Variants in CDH2 observed in about 807,000 individuals in gnomAD.
CDH2 encodes the protein cadherin-2.
In CDH2, 17 loss-of-function variants were observed where a neutral mutation model predicts 92.0. That is an observed-to-expected ratio of 0.18 (90% CI 0.13 to 0.28). The LOEUF is 0.28. Among genes scored for constraint, CDH2 ranks in the 10% least tolerant of loss-of-function variants. CDH2 has a pLI of 1.00. For synonymous variants in CDH2, 419 were observed against 415.9 expected (o/e 1.01, Z -0.09); for missense variants, 862 against 1,133.1 (o/e 0.76, Z 3.44).
intron 1 of CDH2, among the ~76,000 whole-genome samples, chr18:28,161,543 G>A (rs1218819431): frequency 7.1e-6 from 1 of 140,972 alleles, no homozygotes; most frequent in Non-Finnish European, 1.5e-5. Context: ...CTGCATCACT[G>A]CACTCCAGCC....
chr18:27,995,313 CAAAAAA>C (rs34313496), intron 7 of CDH2, among the ~76,000 whole-genome samples: 5 of 80,246 alleles, frequency 6.2e-5, no homozygotes, highest in East Asian at 3.4e-4. Context: ...GACTCCATCT[CAAAAAA>C]AAAAAAAAAA....
intron 2 of CDH2, among the ~76,000 whole-genome samples, chr18:28,026,157 T>C (rs1185860862): frequency 6.6e-6 from 1 of 152,200 alleles, no homozygotes; most frequent in African/African-American, 2.4e-5. Flanking sequence ...CCATGCTTTG[T>C]TTGTGCCATG....
chr18:28,006,735 AAAG>A (rs1555632673), intron 5 of CDH2, among the ~76,000 whole-genome samples: 17 of 151,370 alleles, frequency 1.1e-4, no homozygotes, highest in Non-Finnish European at 1.9e-4. Flanking sequence ...AAAAAAAAAA[AAAG>A]AAGTGGAAGT....
intron 2 of CDH2, among the ~76,000 whole-genome samples, chr18:28,043,168 G>A (rs1274013120): frequency 1.3e-5 from 2 of 151,970 alleles, no homozygotes; most frequent in African/African-American, 4.8e-5. Context: ...TGGAGCTGGA[G>A]GCCATTATTC....
chr18:27,957,380 G>C (rs2011276819), intron 15 of CDH2, among the ~76,000 whole-genome samples: 2 of 152,116 alleles, frequency 1.3e-5, no homozygotes, highest in East Asian at 3.9e-4. Flanking sequence ...CTCCAGAGTA[G>C]CTAGGACTAC....
chr18:27,977,400 CTTAG>C (rs2143930734), intron 14 of CDH2, among the ~76,000 whole-genome samples: 1 of 152,072 alleles, frequency 6.6e-6, no homozygotes, highest in East Asian at 1.9e-4. Flanking sequence ...TTAGGCACCT[CTTAG>C]TTATTTTGTT....
intron 2 of CDH2, among the ~76,000 whole-genome samples, chr18:28,071,743 T>C (rs1386458020): frequency 6.6e-6 from 1 of 152,174 alleles, no homozygotes; most frequent in Non-Finnish European, 1.5e-5. Flanking sequence ...ATGTCCACTA[T>C]CCATTTCCTT....
At chr18:27,938,454 AATAG>A (rs1240103055) in intron 6 of CDH2, among the ~76,000 whole-genome samples, 1 of 152,084 alleles carries the variant, frequency 6.6e-6, no homozygotes, top group Non-Finnish European at 1.5e-5. Context: ...TGTGAATTAT[AATAG>A]ATAATTCTTA....
At chr18:28,148,942 G>A (rs945564723) in intron 1 of CDH2, among the ~76,000 whole-genome samples, 4 of 152,054 alleles carry the variant, frequency 2.6e-5, no homozygotes, top group African/African-American at 9.7e-5. Context: ...AATTTAAACA[G>A]TATTAAATAT....
At chr18:27,936,415 C>T in intron 6 of CDH2, among the ~76,000 whole-genome samples, 1 of 152,164 alleles carries the variant, frequency 6.6e-6, no homozygotes, top group Admixed American at 6.5e-5. Context: ...GCACAGCATC[C>T]TTTATTCTGT....
chr18:28,163,183 T>A (rs1369746070), intron 1 of CDH2, among the ~76,000 whole-genome samples: 1 of 152,210 alleles, frequency 6.6e-6, no homozygotes, highest in Non-Finnish European at 1.5e-5. Flanking sequence ...AAATGAGACA[T>A]TATTATGCAG....
chr18:27,958,170 A>G (rs895591144), intron 15 of CDH2, among the ~76,000 whole-genome samples: 2 of 152,206 alleles, frequency 1.3e-5, no homozygotes, highest in Non-Finnish European at 1.5e-5. Flanking sequence ...ACAAGGTAAC[A>G]GAGCTGTTAG....
Position 27,993,588 on chromosome 18 carries a change from T to C in CDH2, c.1070A>G (p.Asn357Ser), listed in dbSNP as rs1209862742. ...LIIQATDMEGNPTYGLSNTAT... is the reference protein window; with the variant it reads ...LIIQATDMEGSPTYGLSNTAT... Reference sequence around the variant, plus strand: ...TGTGTTTGAAAGGCCATATGTGGGATTGCCTTCCATGTCTGTAGCTTGAAT... The same window carrying C: ...TGTGTTTGAAAGGCCATATGTGGGACTGCCTTCCATGTCTGTAGCTTGAAT... The change falls in exon 8 of 16, where the codon AAT becomes AGT. Residue 357 changes from asparagine (N) to serine (S), a missense_variant. Around this residue, in one of 5 missense-constraint regions of CDH2, gnomAD observed 564 missense variants for 722.2 expected, o/e 0.78. Transcript: ENST00000269141. 5 of 1,613,860 alleles carry C rather than the reference T, an allele frequency of 3.1e-6. No homozygotes were observed. The highest frequency in any genetic ancestry group is 3.3e-4 in the Middle Eastern group (2 of 6,062).
intron 2 of CDH2, among the ~76,000 whole-genome samples, chr18:28,050,872 A>T (rs2014177767): frequency 6.6e-6 from 1 of 152,200 alleles, no homozygotes; most frequent in African/African-American, 2.4e-5. Flanking sequence ...GATTCTTTTT[A>T]AAAAGCTTAT....
At chr18:28,156,902 G>A (rs571046102) in intron 1 of CDH2, among the ~76,000 whole-genome samples, 17 of 152,140 alleles carry the variant, frequency 1.1e-4, no homozygotes, top group Non-Finnish European at 1.8e-4. Flanking sequence ...CATACATCGA[G>A]TGACATCCAT....
chr18:28,027,715 T>C (rs1292768077), intron 2 of CDH2, among the ~76,000 whole-genome samples: 1 of 152,162 alleles, frequency 6.6e-6, no homozygotes. Context: ...GTTTTTAAGC[T>C]GTTCTTCACT....
intron 7 of CDH2, 50 bp from the exon 8 acceptor site, chr18:27,993,687 G>C: frequency 7.1e-7 from 1 of 1,398,852 alleles, no homozygotes; most frequent in Non-Finnish European, 1.0e-6. Context: ...TCCTCAAGAA[G>C]ACATAACAGT....
At chr18:28,165,048 A>G (rs913847466) in intron 1 of CDH2, among the ~76,000 whole-genome samples, 3 of 152,222 alleles carry the variant, frequency 2.0e-5, no homozygotes, top group African/African-American at 7.2e-5. Context: ...GCATGCATTA[A>G]GTGCTCAAAC....
intron 14 of CDH2, among the ~76,000 whole-genome samples, chr18:27,974,862 C>G (rs948449209): frequency 1.3e-5 from 2 of 152,116 alleles, no homozygotes; most frequent in South Asian, 2.1e-4. Context: ...TCTTGGACTT[C>G]CCAGGATCTA....
Sources: gnomAD v4.1 joint callset for allele counts (sites outside exome capture counted in the v4.1 genomes callset) on GRCh38, gnomAD v4.1.1 for gene constraint, gnomAD v4.1.1 regional missense constraint, MANE v1.5 for transcripts, NCBI Gene and HGNC (gene_info 2026-07-23, HGNC 2026-07-21) for gene names.